ARHGAP22: variants seen among roughly 807,000 people sequenced by gnomAD.
ARHGAP22 encodes rho GTPase-activating protein 22.
Under a neutral mutation model 59.1 loss-of-function variants are expected in ARHGAP22, and 48 were observed. The ratio of observed to expected loss-of-function variants is 0.81; its 90% CI spans 0.64 to 1.03. The LOEUF (loss-of-function observed/expected upper bound fraction) is 1.03, where lower values mean the gene tolerates loss of function less well. Ranked by LOEUF, ARHGAP22 falls within the 50% of genes least tolerant of loss-of-function variation. The pLI is 0.00. For missense variants in ARHGAP22, 1,015 were observed against 958.7 expected (o/e 1.06, Z -0.78); for synonymous variants, 445 against 416.4 (o/e 1.07, Z -0.84).
chr10:48,459,933 C>G, intron 4 of ARHGAP22, 42 bp from the exon 5 acceptor site: 1 of 1,588,058 alleles, frequency 6.3e-7, no homozygotes, highest in South Asian at 1.1e-5. Flanking sequence ...CACCACCCAG[C>G]TCAGTGTTGG....
intron 1 of ARHGAP22, 25 bp from the exon 2 acceptor site, chr10:48,583,177 G>T: frequency 1.9e-6 from 3 of 1,604,266 alleles, no homozygotes; most frequent in Non-Finnish European, 2.6e-6. Flanking sequence ...CACACAGAGT[G>T]AGCATGAAGG....
chr10:48,588,509 T>G (rs1483256529), intron 1 of ARHGAP22, among the ~76,000 whole-genome samples: 1 of 152,178 alleles, frequency 6.6e-6, no homozygotes, highest in Non-Finnish European at 1.5e-5. Context: ...AAACCAGGCC[T>G]CAAGTCAAAC....
chr10:48,442,103 T>G (rs7894863), downstream of ARHGAP22, among the ~76,000 whole-genome samples: 146,736 of 152,280 alleles, frequency 0.96, 70,880 homozygotes, highest in East Asian at 1. Context: ...GTGACATGAG[T>G]ACACTGCATG....
chr10:48,547,653 C>T (rs1401884333), intron 3 of ARHGAP22, among the ~76,000 whole-genome samples: 10 of 150,492 alleles, frequency 6.6e-5, no homozygotes, highest in Admixed American at 5.3e-4. Flanking sequence ...GAGCACTCTC[C>T]TCCTCCTCCT....
At chr10:48,584,172 C>T (rs186629072) in intron 1 of ARHGAP22, among the ~76,000 whole-genome samples, 1 of 152,292 alleles carries the variant, frequency 6.6e-6, no homozygotes, top group East Asian at 1.9e-4. Context: ...GCCATGGATC[C>T]TAACTTGTGA....
At chr10:48,576,584 C>T (rs2058724874) in intron 2 of ARHGAP22, among the ~76,000 whole-genome samples, 1 of 152,086 alleles carries the variant, frequency 6.6e-6, no homozygotes, top group African/African-American at 2.4e-5. Flanking sequence ...CTCAAAATCT[C>T]AAAAATAAAT....
the ARHGAP22 span, chr10:48,437,059 TAC>T: frequency 6.6e-6 from 1 of 152,262 alleles, no homozygotes; most frequent in African/African-American, 2.4e-5. Flanking sequence ...TCTCTATTGA[TAC>T]AGATTTTGGT....
At position 48,459,670 on chromosome 10, in the gene ARHGAP22, G is replaced by A. The variant is rs1867575; in HGVS notation, c.659+14C>T. On this transcript the variant is annotated intron_variant, in intron 5 of 9. Transcript: ENST00000249601. The stretch of plus-strand genomic sequence containing the variant: ...GGACAAATGGCTCCACCTTACCCCC[G>A]ATCACAAGCTCACCTGTCAAACAGT... 0.98 allele frequency: 1,577,771 copies of A among 1,613,976 alleles called. 774,750 individuals carry two copies. Among genetic ancestry groups the A allele is most frequent in the East Asian group, 1 (44,862 of 44,868 alleles).
chr10:48,467,642 C>A (rs1350545977), intron 4 of ARHGAP22, among the ~76,000 whole-genome samples: 1 of 152,044 alleles, frequency 6.6e-6, no homozygotes, highest in Non-Finnish European at 1.5e-5. Flanking sequence ...AGGGTGACTT[C>A]TTTCTTTATT....
intron 1 of ARHGAP22, among the ~76,000 whole-genome samples, chr10:48,610,115 T>C (rs2060826466): frequency 6.6e-6 from 1 of 152,212 alleles, no homozygotes; most frequent in African/African-American, 2.4e-5. Context: ...GTCTCCGCCC[T>C]TTGGCTCCAC....
Position 48,583,122 on chromosome 10 carries a change from T to C in ARHGAP22, c.65A>G (p.Gln22Arg). Reference protein sequence around the residue: ...ARSKSLVMGEQSRSPGRMPCP... With the variant: ...ARSKSLVMGERSRSPGRMPCP... ...CGGCATCCGCCCAGGGCTCCGGCTC[T>C]GCTCCCCCATCACTAGGCTTTTGGA... The change falls in exon 2 of 10, where the codon CAG becomes CGG. Residue 22 changes from glutamine to arginine, a missense_variant. Transcript: ENST00000249601. The C allele has an allele frequency of 2.5e-6, 4 of 1,614,226 alleles. No individual in the cohort carries two copies. The highest frequency in any genetic ancestry group is 3.4e-6 in the Non-Finnish European group (4 of 1,180,036).
At chr10:48,494,363 T>C (rs368180070) in intron 3 of ARHGAP22, among the ~76,000 whole-genome samples, 237 of 152,194 alleles carry the variant, frequency 1.6e-3, no homozygotes, top group African/African-American at 5.4e-3. Context: ...TAGCCTGGTC[T>C]CCTCTCCTCC....
chr10:48,459,726 A>G lies in ARHGAP22; in HGVS notation c.617T>C (p.Leu206Pro). 1 of 1,614,158 alleles carries G rather than the reference A, an allele frequency of 6.2e-7. No individual in the cohort carries two copies. Among genetic ancestry groups the G allele is most frequent in the South Asian group, 1.1e-5 (1 of 91,086 alleles). Reference sequence around the variant, plus strand: ...CTCCCCACAGTCGAAGGAATCCTGCAGGTCCCTCACCAGGTTGGCCTGGCC... The same window carrying G: ...CTCCCCACAGTCGAAGGAATCCTGCGGGTCCCTCACCAGGTTGGCCTGGCC... ...MPGQANLVRD[L>P]QDSFDCGEKP... Residue 206 changes from leucine (L) to proline (P), a missense_variant, in exon 5 of 10, where the codon CTG becomes CCG. Physicochemically the swap from Leu to Pro is moderately conservative, Grantham distance 98. Coordinates refer to ENST00000249601, the MANE Select transcript of ARHGAP22 (RefSeq NM_021226.4).
At chr10:48,635,206 G>A (rs1160470824) in intron 1 of ARHGAP22, among the ~76,000 whole-genome samples, 1 of 152,066 alleles carries the variant, frequency 6.6e-6, no homozygotes, top group Non-Finnish European at 1.5e-5. Context: ...CTGGGCCTCT[G>A]TCTCTTGTTG....
rs1362509873 is a variant in ARHGAP22, at chr10:48,450,569, C to T, written c.1560G>A (p.Ser520=). The T allele has an allele frequency of 5.9e-6, 9 of 1,533,242 alleles. No homozygotes were observed. The East Asian group carries it at 1.2e-4, about 21-fold the overall frequency. The allele number at this position is 1,533,242 out of a possible 1,614,324, so 95.0% of individuals were successfully genotyped here. Residue 520 remains serine, a synonymous_variant, in exon 9 of 10, where the codon TCG becomes TCA. Coordinates refer to ENST00000249601, the MANE Select transcript of ARHGAP22 (RefSeq NM_021226.4). ...MAWSGASSSE[S]SVGGSLSSCT... ...AGCTGCTGAGTGAGCCCCCCACCGA[C>T]GACTCGCTGGACGAGGCCCCGGACC...
At chr10:48,486,593 A>G (rs2120903) in intron 3 of ARHGAP22, among the ~76,000 whole-genome samples, 146,600 of 152,310 alleles carry the variant, frequency 0.96, 70,818 homozygotes, top group East Asian at 1. Flanking sequence ...ACCCGTTTTG[A>G]CCTCCCATGT....
upstream of ARHGAP22, among the ~76,000 whole-genome samples, chr10:48,609,273 A>G (rs2060790524): frequency 6.6e-6 from 1 of 152,206 alleles, no homozygotes. Context: ...CTGGGAACAC[A>G]CAGATGTTCT....
At chr10:48,592,125 C>A (rs1343012939) in intron 1 of ARHGAP22, among the ~76,000 whole-genome samples, 1 of 152,130 alleles carries the variant, frequency 6.6e-6, no homozygotes, top group Admixed American at 6.5e-5. Flanking sequence ...ACATGGTTAG[C>A]TTCTCTTTTA....
chr10:48,554,812 C>T (rs1271269985), intron 3 of ARHGAP22, among the ~76,000 whole-genome samples: 3 of 152,166 alleles, frequency 2.0e-5, no homozygotes, highest in African/African-American at 7.2e-5. Flanking sequence ...TCTGGGCTGG[C>T]TTTCTTCCCT....
Sources: allele counts gnomAD v4.1 joint callset (sites outside exome capture counted in the v4.1 genomes callset), GRCh38; gene constraint gnomAD v4.1.1; transcripts MANE v1.5; gene names NCBI Gene and HGNC (gene_info 2026-07-23, HGNC 2026-07-21).